The following PPP2R2B variants were observed in gnomAD, a reference collection of about 807,000 sequenced individuals.
PPP2R2B encodes the protein protein phosphatase 2 regulatory subunit Bbeta.
A neutral mutation model predicts 46.0 loss-of-function variants in PPP2R2B; 5 were observed. The ratio of observed to expected loss-of-function variants is 0.11; its 90% CI spans 0.06 to 0.23. The LOEUF is 0.23. Among genes scored for constraint, PPP2R2B ranks in the 10% least tolerant of loss-of-function variants. The pLI, the probability that PPP2R2B is intolerant of heterozygous loss-of-function variation, is 1.00. For synonymous variants in PPP2R2B, 215 were observed against 206.7 expected (o/e 1.04, Z -0.34); for missense variants, 367 against 575.0 (o/e 0.64, Z 3.70).
At chr5:147,078,573 G>A (rs1434403226) in intron 2 of PPP2R2B, among the ~76,000 whole-genome samples, 1 of 152,108 alleles carries the variant, frequency 6.6e-6, no homozygotes, top group Non-Finnish European at 1.5e-5. Flanking sequence ...GGATCACGAG[G>A]TCAGGAGTTC....
Position 146,638,382 on chromosome 5 carries a change from T to C in PPP2R2B, c.659A>G (p.Glu220Gly). The C allele has an allele frequency of 1.2e-6, 2 of 1,611,270 alleles. No homozygotes were observed. Among genetic ancestry groups the C allele is most frequent in the Non-Finnish European group, 8.5e-7 (1 of 1,177,788 alleles). Residue 220 changes from glutamate (E) to glycine (G), a missense_variant, in exon 7 of 10, where the codon GAG becomes GGG. Transcript: ENST00000394411. ...GGCTGCTGTGATCACCTCCGTGAGC[T>C]CCTCCATGTTGGCTGGCTTAATGTC... The part of the protein sequence containing the change: ...IVDIKPANME[E>G]LTEVITAAEF...
intron 5 of PPP2R2B, among the ~76,000 whole-genome samples, chr5:146,666,371 T>G (rs1776981417): frequency 6.6e-6 from 1 of 152,252 alleles, no homozygotes; most frequent in African/African-American, 2.4e-5. Context: ...ATTATTTGAC[T>G]GGATGCTATA....
intron 2 of PPP2R2B, chr5:147,081,010 G>A: frequency 4.7e-6 from 7 of 1,488,696 alleles, no homozygotes; most frequent in African/African-American, 1.4e-5. Flanking sequence ...TTTGAAATCA[G>A]CACAAACTCC....
chr5:146,990,671 A>T (rs762792569), intron 1 of PPP2R2B, among the ~76,000 whole-genome samples: 5 of 152,128 alleles, frequency 3.3e-5, no homozygotes, highest in Non-Finnish European at 7.4e-5. Context: ...GATTTTTCGA[A>T]TAAGACTGCA....
intron 1 of PPP2R2B, among the ~76,000 whole-genome samples, chr5:146,994,240 G>T (rs903850808): frequency 6.6e-6 from 1 of 152,126 alleles, no homozygotes; most frequent in Admixed American, 6.5e-5. Flanking sequence ...AGGATATTTT[G>T]CAGGGAACTG....
intron 7 of PPP2R2B, among the ~76,000 whole-genome samples, chr5:146,620,777 C>G (rs1279289096): frequency 6.6e-6 from 1 of 152,174 alleles, no homozygotes; most frequent in Non-Finnish European, 1.5e-5. Context: ...CCTTCCCTCT[C>G]ATAATTTGTT....
At position 147,027,615 on chromosome 5, in the gene PPP2R2B, A is replaced by C. The variant is rs116039532; in HGVS notation, c.79+28050T>G. Among the ~76,000 whole-genome samples, 951 of 147,464 alleles carry C rather than the reference A, an allele frequency of 6.4e-3. 10 individuals carry two copies. The highest frequency in any genetic ancestry group is 0.023 in the African/African-American group (909 of 38,948). Reference sequence around the variant, plus strand: ...GCCACTGCACCCCTCCAGCCTGGCAACAAAGCGAGACTCGGTCTCAAAAAA... The same window carrying C: ...GCCACTGCACCCCTCCAGCCTGGCACCAAAGCGAGACTCGGTCTCAAAAAA... On this transcript the variant is annotated intron_variant, in intron 1 of 8. Coordinates refer to the PPP2R2B transcript ENST00000336640.
chr5:146,841,868 A>G (rs1759669812), intron 2 of PPP2R2B, among the ~76,000 whole-genome samples: 2 of 152,220 alleles, frequency 1.3e-5, no homozygotes, highest in Non-Finnish European at 2.9e-5. Flanking sequence ...CCACCATGGC[A>G]CATGTATACC....
intron 4 of PPP2R2B, among the ~76,000 whole-genome samples, chr5:146,692,412 C>A (rs904338594): frequency 6.6e-6 from 1 of 152,024 alleles, no homozygotes; most frequent in Non-Finnish European, 1.5e-5. Flanking sequence ...CCCTACAGAA[C>A]TCCCATGAGA....
intron 5 of PPP2R2B, among the ~76,000 whole-genome samples, chr5:146,667,857 T>G (rs1218219890): frequency 1.3e-5 from 2 of 152,144 alleles, no homozygotes; most frequent in Non-Finnish European, 2.9e-5. Context: ...CAGCCCAGAT[T>G]TTATAACACT....
intron 2 of PPP2R2B, among the ~76,000 whole-genome samples, chr5:146,857,665 T>C (rs905611836): frequency 7.2e-5 from 11 of 152,034 alleles, no homozygotes; most frequent in African/African-American, 2.7e-4. Context: ...GGTAATATCT[T>C]AAGACATATA....
intron 2 of PPP2R2B, among the ~76,000 whole-genome samples, chr5:146,872,319 C>G (rs1467700893): frequency 6.6e-6 from 1 of 152,222 alleles, no homozygotes; most frequent in South Asian, 2.1e-4. Context: ...AAGGCAGCTA[C>G]TTCTCACCTC....
chr5:146,715,634 A>G (rs2151187176), intron 2 of PPP2R2B, among the ~76,000 whole-genome samples: 1 of 152,242 alleles, frequency 6.6e-6, no homozygotes, highest in Middle Eastern at 3.4e-3. Context: ...TTCAGTTGGG[A>G]AAATGGTGGC....
At chr5:146,757,163 T>C (rs1753884231) in intron 2 of PPP2R2B, among the ~76,000 whole-genome samples, 1 of 151,826 alleles carries the variant, frequency 6.6e-6, no homozygotes, top group African/African-American at 2.4e-5. Flanking sequence ...GGCAATGGAA[T>C]TGGGGGCTGA....
chr5:146,728,957 G>A (rs1020967609), intron 2 of PPP2R2B, among the ~76,000 whole-genome samples: 1 of 152,272 alleles, frequency 6.6e-6, no homozygotes, highest in Middle Eastern at 3.4e-3. Context: ...GTGGGGTGTT[G>A]CTGAAGAGAT....
intron 2 of PPP2R2B, among the ~76,000 whole-genome samples, chr5:146,756,264 C>A (rs1204823309): frequency 2.0e-5 from 3 of 152,138 alleles, no homozygotes; most frequent in Non-Finnish European, 4.4e-5. Context: ...CCATTCATTG[C>A]CTCATTTAAT....
chr5:146,929,870 G>C (rs565654774), intron 1 of PPP2R2B, among the ~76,000 whole-genome samples: 2 of 152,154 alleles, frequency 1.3e-5, no homozygotes, highest in East Asian at 3.9e-4. Context: ...ACAGGTTTGG[G>C]GTTAGAATTA....
At chr5:146,996,439 G>C (rs1753926010) in intron 1 of PPP2R2B, among the ~76,000 whole-genome samples, 1 of 152,122 alleles carries the variant, frequency 6.6e-6, no homozygotes, top group Non-Finnish European at 1.5e-5. Context: ...AATAGAAGTG[G>C]AAGAGCAAGG....
rs373869032 is a variant in PPP2R2B at position 147,033,588 on chromosome 5, G to C, written c.79+22077C>G. On this transcript the variant is annotated intron_variant, in intron 1 of 8. Transcript: ENST00000336640. ...GGAATGGGGTTGGGAAGGTTTTAGG[G>C]GGTTTGGGATGGAGACAGATGGTGG... Among the ~76,000 whole-genome samples the C allele has an allele frequency of 1.9e-4, 29 of 152,174 alleles. 1 individual carries two copies. The South Asian group carries it at 6.0e-3, about 32-fold the overall frequency.
Sources: gnomAD v4.1 joint callset for allele counts (sites outside exome capture counted in the v4.1 genomes callset) on GRCh38, gnomAD v4.1.1 for gene constraint, MANE v1.5 for transcripts, NCBI Gene and HGNC (gene_info 2026-07-23, HGNC 2026-07-21) for gene names.